Variants in CRYBG1 observed in about 807,000 individuals in gnomAD.
The protein encoded by CRYBG1 is beta/gamma crystallin domain-containing protein 1.
Under a neutral mutation model 189.2 loss-of-function variants are expected in CRYBG1, and 139 were observed. The ratio of observed to expected loss-of-function variants is 0.73; its 90% CI spans 0.64 to 0.85. The LOEUF is 0.85. Among genes scored for constraint, CRYBG1 ranks in the 40% least tolerant of loss-of-function variants. The pLI, the probability that CRYBG1 is intolerant of heterozygous loss-of-function variation, is 0.00. For synonymous variants in CRYBG1, 1,023 were observed against 1,017.1 expected (o/e 1.01, Z -0.11); for missense variants, 2,611 against 2,675.8 (o/e 0.98, Z 0.53).
chr6:106,548,989 C>T (rs969278919), intron 13 of CRYBG1, among the ~76,000 whole-genome samples: 1 of 146,426 alleles, frequency 6.8e-6, no homozygotes, highest in East Asian at 2.1e-4. Context: ...TGAGAACATG[C>T]GGTGTTTGGT....
Position 106,544,858 on chromosome 6 carries a change from T to G in CRYBG1, c.5237T>G (p.Val1746Gly), listed in dbSNP as rs369036571. Residue 1746 changes from valine to glycine, a missense_variant, in exon 13 of 22, where the codon GTA (valine) becomes GGA (glycine). By Grantham distance (109) the Val-to-Gly change is moderately radical. Coordinates refer to ENST00000633556, the MANE Select transcript of CRYBG1 (RefSeq NM_001371242.2). ...GGATCCAAAGGTTCCAGTATTGATG[T>G]ATTGGGAATTGTTGCTAATTTAAAG... The part of the protein sequence containing the change: ...NFGSKGSSID[V>G]LGIVANLKET... The G allele has an allele frequency of 4.3e-5, 69 of 1,613,780 alleles. No homozygotes were observed. The highest frequency in any genetic ancestry group is 3.3e-4 in the Middle Eastern group (2 of 6,078).
intron 11 of CRYBG1, 144 bp downstream of exon 11, chr6:106,543,741 T>A: frequency 1.0e-6 from 1 of 963,854 alleles, no homozygotes; most frequent in Non-Finnish European, 1.5e-6. Flanking sequence ...CCTCAGCCTA[T>A]AGTGACTGGA....
chr6:106,519,502 G>A lies in CRYBG1; in HGVS notation c.2294G>A (p.Arg765Lys). The change falls in exon 4 of 22, where the codon AGA becomes AAA. Residue 765 changes from arginine to lysine, a missense_variant. Around this residue, in one of 3 missense-constraint regions of CRYBG1, gnomAD observed 1,622 missense variants for 1,735.0 expected, o/e 0.93. Transcript: ENST00000633556. ...VSEEEILPATRGMNGDSSENQ... is the reference protein window; with the variant it reads ...VSEEEILPATKGMNGDSSENQ... ...GAAGAAGAGATTCTGCCAGCAACCAGAGGAATGAATGGAGACTCTTCTGAG... is the reference window on the plus strand; with the variant it reads ...GAAGAAGAGATTCTGCCAGCAACCAAAGGAATGAATGGAGACTCTTCTGAG... 3 of 1,614,132 alleles carry A rather than the reference G, an allele frequency of 1.9e-6. No individual in the cohort carries two copies. Among genetic ancestry groups the A allele is most frequent in the Non-Finnish European group, 2.5e-6 (3 of 1,180,028 alleles).
intron 2 of CRYBG1, among the ~76,000 whole-genome samples, chr6:106,486,541 C>T (rs1772595265): frequency 6.6e-6 from 1 of 152,144 alleles, no homozygotes; most frequent in Non-Finnish European, 1.5e-5. Context: ...TTGAAGCCCA[C>T]TATGATTACT....
chr6:106,511,540 C>A lies in CRYBG1; in HGVS notation c.423C>A (p.Pro141=), dbSNP rs1226471944. ...RRNSRNGLES[P]TRSNAKPLSP... ...ACAGTAGAAACGGGTTAGAGAGTCC[C>A]ACCAGATCAAATGCCAAACCACTCT... The change falls in exon 3 of 22, where the codon CCC becomes CCA. Residue 141 remains proline (P), a synonymous_variant. Coordinates refer to ENST00000633556, the MANE Select transcript of CRYBG1 (RefSeq NM_001371242.2). 3 of 1,535,768 alleles carry A rather than the reference C, an allele frequency of 2.0e-6. No individual in the cohort carries two copies. The South Asian group carries it at 3.6e-5, about 18-fold the overall frequency.
At chr6:106,417,004 T>C (rs1266153944) in intron 1 of CRYBG1, among the ~76,000 whole-genome samples, 1 of 136,006 alleles carries the variant, frequency 7.4e-6, no homozygotes, top group Non-Finnish European at 1.6e-5. Flanking sequence ...ATTTACTTTT[T>C]TTTTTTTTTT....
intron 1 of CRYBG1, among the ~76,000 whole-genome samples, chr6:106,371,289 G>T (rs1313443579): frequency 6.6e-6 from 1 of 152,188 alleles, no homozygotes. Flanking sequence ...TTAGTAAAAG[G>T]TATGATAGTT....
intron 1 of CRYBG1, among the ~76,000 whole-genome samples, chr6:106,416,539 C>T (rs1771024514): frequency 6.6e-6 from 1 of 152,176 alleles, no homozygotes; most frequent in Admixed American, 6.5e-5. Flanking sequence ...GTACCTCTGG[C>T]ACAGATTTTT....
At chr6:106,409,945 A>G (rs927600309) in intron 1 of CRYBG1, among the ~76,000 whole-genome samples, 9 of 152,162 alleles carry the variant, frequency 5.9e-5, no homozygotes, top group African/African-American at 1.9e-4. Context: ...AGGCAATACC[A>G]TCGGGACATA....
chr6:106,551,020 C>T (rs1774391562), intron 13 of CRYBG1, among the ~76,000 whole-genome samples: 2 of 151,954 alleles, frequency 1.3e-5, no homozygotes. Context: ...TCAGGGGGTA[C>T]ATGTGCAGGT....
chr6:106,512,179 G>A lies in CRYBG1; in HGVS notation c.1062G>A (p.Thr354=), dbSNP rs113223052. ...CTCCGGCCGAGGGCGCAGCGCACAC[G>A]GCCAGCTCCGCGCAGGCAGACTGCA... ...GEPPAEGAAH[T]ASSAQADCTA... is the part of the protein sequence containing the mutation. The change falls in exon 3 of 22, where the codon ACG becomes ACA. Residue 354 remains threonine, a synonymous_variant. Coordinates refer to ENST00000633556, the MANE Select transcript of CRYBG1 (RefSeq NM_001371242.2). The A allele has an allele frequency of 2.0e-5, 31 of 1,535,100 alleles. No homozygotes were observed. The African/African-American group carries it at 4.1e-4, about 20-fold the overall frequency.
At chr6:106,517,435 C>CACACATATATATAT (rs1554188249) in intron 3 of CRYBG1, among the ~76,000 whole-genome samples, 2,761 of 124,296 alleles carry the variant, frequency 0.022, 127 homozygotes, top group African/African-American at 0.089. Flanking sequence ...TATATACACA[C>CACACATATATATAT]ACACATATAT....
At chr6:106,544,424 T>C (rs2247346) in intron 11 of CRYBG1, 147 bp from the exon 12 acceptor site, 404,631 of 939,862 alleles carry the variant, frequency 0.43, 88,781 homozygotes, top group East Asian at 0.59. Context: ...GTTATTCTCC[T>C]AAATTTTAAA....
At chr6:106,452,631 C>G (rs1349898812) in intron 2 of CRYBG1, among the ~76,000 whole-genome samples, 3 of 152,046 alleles carry the variant, frequency 2.0e-5, no homozygotes, top group Non-Finnish European at 4.4e-5. Flanking sequence ...ATGCTTTTTT[C>G]TACTGTAAGG....
At chr6:106,473,373 G>A (rs144024370) in intron 2 of CRYBG1, among the ~76,000 whole-genome samples, 2 of 152,218 alleles carry the variant, frequency 1.3e-5, no homozygotes, top group East Asian at 3.9e-4. Flanking sequence ...GCCAGTTCTA[G>A]CATCGGTATG....
rs775481210 is a variant in CRYBG1 at position 106,512,843 on chromosome 6, A to G, written c.1726A>G (p.Ser576Gly). The change falls in exon 3 of 22, where the codon AGC becomes GGC. Residue 576 changes from serine (S) to glycine (G), a missense_variant. Physicochemically the swap from Ser to Gly is moderately conservative, Grantham distance 56. Transcript: ENST00000633556. ...AIPRELPVKSSSLLPEIKPEH... is the reference protein window; with the variant it reads ...AIPRELPVKSGSLLPEIKPEH... ...CCCCCGCGAGCTCCCGGTCAAGAGC[A>G]GCTCGCTGCTGCCGGAGATCAAGCC... 1.3e-6 allele frequency: 2 copies of G among 1,582,390 alleles called. No individual in the cohort carries two copies. Among genetic ancestry groups the G allele is most frequent in the Non-Finnish European group, 1.7e-6 (2 of 1,164,314 alleles).
chr6:106,541,575 G>GT lies in CRYBG1; in HGVS notation c.4846-4dup. The GT allele has an allele frequency of 1.9e-6, 3 of 1,610,796 alleles. No individual in the cohort carries two copies. The highest frequency in any genetic ancestry group is 2.5e-6 in the Non-Finnish European group (3 of 1,177,444). ...GAAAAACTATTTTTCTTACTATGTT[G>GT]TTTTTTTCAGGGTGGCCGTAAAGTT... is the stretch of plus-strand genomic sequence containing the variant. On this transcript the variant is annotated splice_polypyrimidine_tract_variant and intron_variant, in intron 9 of 21. Transcript: ENST00000633556.
Position 106,525,387 on chromosome 6 carries a change from G to C in CRYBG1, c.4412+1G>C, listed in dbSNP as rs1773717491. On this transcript the variant is annotated splice_donor_variant, in intron 6 of 21. Transcript: ENST00000633556. LOFTEE classifies it high-confidence loss of function. ...TACTCATAAAAGTTGTTAGAGGATG[G>C]TAAGAATGGCACTTTAAGTTCCTGA... 6.2e-7 allele frequency: 1 copy of C among 1,609,720 alleles called. No individual in the cohort carries two copies. The highest frequency in any genetic ancestry group is 8.5e-7 in the Non-Finnish European group (1 of 1,176,062).
chr6:106,513,106 G>A lies in CRYBG1; in HGVS notation c.1922+67G>A, dbSNP rs1582808842. 2.6e-6 allele frequency: 4 copies of A among 1,514,282 alleles called. No homozygotes were observed. The East Asian group carries it at 7.2e-5, about 27-fold the overall frequency. The allele number at this position is 1,514,282 out of a possible 1,614,324, so 93.8% of individuals were successfully genotyped here. On this transcript the variant is annotated intron_variant, in intron 3 of 21. Transcript: ENST00000633556. ...ACGTGCTGGGGGTCCGCTCTGAGAG[G>A]CTCGGGGTATCTGCATTGTGGAAGA...
Sources: gnomAD v4.1 joint callset for allele counts (sites outside exome capture counted in the v4.1 genomes callset) on GRCh38, gnomAD v4.1.1 for gene constraint, gnomAD v4.1.1 regional missense constraint, MANE v1.5 for transcripts, NCBI Gene and HGNC (gene_info 2026-07-23, HGNC 2026-07-21) for gene names.